DCBLD1: variants seen among roughly 807,000 people sequenced by gnomAD.
DCBLD1 encodes discoidin, CUB and LCCL domain-containing protein 1.
DCBLD1 carries 57 observed loss-of-function variants against 71.5 expected under a neutral mutation model. The ratio of observed to expected loss-of-function variants is 0.80; its 90% confidence interval spans 0.64 to 0.99. DCBLD1 has a LOEUF of 0.99. Among genes scored for constraint, DCBLD1 ranks in the 50% least tolerant of loss-of-function variants. The probability of loss-of-function intolerance (pLI) is 0.00; values close to 1 mark genes in which losing one functional copy is unlikely to be tolerated. For missense variants in DCBLD1, 891 were observed against 923.5 expected, an observed-to-expected ratio of 0.96 and a Z score of 0.46; for synonymous variants, 380 against 363.8, an observed-to-expected ratio of 1.04 and a Z score of -0.51.
intron 9 of DCBLD1, chr6:117,539,613 A>C: frequency 4.4e-5 from 14 of 315,946 alleles, no homozygotes; most frequent in East Asian, 1.7e-4. Context: ...AATTACCCAA[A>C]TGTGGTGGTG....
intron 1 of DCBLD1, among the ~76,000 whole-genome samples, chr6:117,493,966 A>ATG (rs916816048): frequency 2.0e-5 from 3 of 152,132 alleles, no homozygotes; most frequent in African/African-American, 7.2e-5. Context: ...CTGTATATAT[A>ATG]TGTGTGTGTG....
chr6:117,511,499 G>T lies in DCBLD1; in HGVS notation c.325+7520G>T, dbSNP rs187257623. On this transcript the variant is annotated intron_variant, in intron 2 of 14. Transcript: ENST00000338728. ...CAATCACAATATTTTTTTAAGCATT[G>T]TCAGTGACTTAGAAGCACAATCATG... Among the ~76,000 whole-genome samples the T allele has an allele frequency of 2.1e-3, 321 of 152,152 alleles. 1 individual carries two copies. The highest frequency in any genetic ancestry group is 3.4e-3 in the Non-Finnish European group (231 of 67,998).
chr6:117,516,014 A>T (rs1389065229), intron 2 of DCBLD1, among the ~76,000 whole-genome samples: 2 of 152,160 alleles, frequency 1.3e-5, no homozygotes, highest in African/African-American at 4.8e-5. Flanking sequence ...ATTTTTAACA[A>T]GCACTTATAT....
At chr6:117,565,996 A>G (rs1779689008) in intron 14 of DCBLD1, among the ~76,000 whole-genome samples, 1 of 152,196 alleles carries the variant, frequency 6.6e-6, no homozygotes, top group African/African-American at 2.4e-5. Context: ...TCAAAGGTCA[A>G]TATTTAAAAA....
In DCBLD1 at chr6:117,548,772, TA is replaced by T; in HGVS notation, c.*337del. ...TGTACAGAGTTGTATTTAACAATAA[TA>T]AAAGTAACTTAAGTTTGCTCTATCA... is the stretch of plus-strand genomic sequence containing the variant. On this transcript the variant is annotated 3_prime_UTR_variant, in exon 15 of 15. Coordinates refer to ENST00000338728, the MANE Select transcript of DCBLD1 (RefSeq NM_001366458.2). 1.7e-6 allele frequency: 2 copies of T among 1,145,976 alleles called. No individual in the cohort carries two copies. Among genetic ancestry groups the T allele is most frequent in the Non-Finnish European group, 2.1e-6 (2 of 932,098 alleles). The allele number at this position is 1,145,976 out of a possible 1,614,324, so 71.0% of individuals were successfully genotyped here. A position where few individuals can be genotyped will look rare whatever the true frequency, so the allele number is the denominator to read the frequency against.
chr6:117,489,801 C>T (rs12662107), intron 1 of DCBLD1, among the ~76,000 whole-genome samples: 4,638 of 152,246 alleles, frequency 0.03, 84 homozygotes, highest in Non-Finnish European at 0.037. Flanking sequence ...AGGAGAATGG[C>T]GTGAACCCGG....
At chr6:117,509,976 T>A (rs1777962967) in intron 2 of DCBLD1, among the ~76,000 whole-genome samples, 1 of 152,216 alleles carries the variant, frequency 6.6e-6, no homozygotes, top group Non-Finnish European at 1.5e-5. Context: ...TTGCATCTTT[T>A]TCTCCTTGAA....
At chr6:117,517,486 C>T (rs1008065389) in intron 2 of DCBLD1, among the ~76,000 whole-genome samples, 3 of 152,224 alleles carry the variant, frequency 2.0e-5, no homozygotes, top group East Asian at 1.9e-4. Flanking sequence ...GCCCCCTTCT[C>T]ACAGCTACAC....
At chr6:117,516,351 CTCCA>C (rs1291554277) in intron 2 of DCBLD1, among the ~76,000 whole-genome samples, 1 of 148,810 alleles carries the variant, frequency 6.7e-6, no homozygotes, top group Non-Finnish European at 1.5e-5. Context: ...CAGAGCGAGA[CTCCA>C]TCTCAAAAAA....
At chr6:117,494,112 A>G (rs958084503) in intron 1 of DCBLD1, among the ~76,000 whole-genome samples, 9 of 152,312 alleles carry the variant, frequency 5.9e-5, no homozygotes, top group African/African-American at 2.2e-4. Flanking sequence ...TGTTTGGTAA[A>G]TGCTAGTTTT....
intron 13 of DCBLD1, 130 bp from the exon 14 acceptor site, chr6:117,545,348 C>A: frequency 8.0e-7 from 1 of 1,252,282 alleles, no homozygotes; most frequent in Admixed American, 2.0e-5. Context: ...GCACACACAC[C>A]TGAGGAGGAC....
intron 3 of DCBLD1, 44 bp from the exon 4 acceptor site, chr6:117,521,481 T>C (rs1778382651): frequency 1.3e-6 from 2 of 1,500,532 alleles, no homozygotes; most frequent in South Asian, 2.4e-5. Flanking sequence ...AGTGTCCTAG[T>C]TTTTATTCAT....
intron 4 of DCBLD1, among the ~76,000 whole-genome samples, chr6:117,524,301 G>A (rs752343623): frequency 6.6e-6 from 1 of 151,518 alleles, no homozygotes; most frequent in Non-Finnish European, 1.5e-5. Context: ...CCAGGTTCAA[G>A]TGATTCCCTC....
At chr6:117,560,898 A>AGTT in intron 14 of DCBLD1, 1 of 213,294 alleles carries the variant, frequency 4.7e-6, no homozygotes, top group East Asian at 7.0e-5. Context: ...TTGTCCTAGA[A>AGTT]GTTTCAGGGA....
At chr6:117,525,515 G>T in intron 5 of DCBLD1, 81 bp downstream of exon 5, 1 of 1,053,714 alleles carries the variant, frequency 9.5e-7, no homozygotes, top group Non-Finnish European at 1.3e-6. Flanking sequence ...ACTGAGTAAA[G>T]TCAAATGAGA....
At chr6:117,491,719 T>A (rs1206559793) in intron 1 of DCBLD1, among the ~76,000 whole-genome samples, 1 of 152,208 alleles carries the variant, frequency 6.6e-6, no homozygotes, top group Non-Finnish European at 1.5e-5. Context: ...AGTTATTATG[T>A]CTCTTTAGTC....
intron 11 of DCBLD1, 137 bp from the exon 12 acceptor site, chr6:117,542,987 G>A (rs2114560564): frequency 1.4e-6 from 1 of 725,368 alleles, no homozygotes; most frequent in Non-Finnish European, 2.4e-6. Flanking sequence ...TCCAATATCA[G>A]TAAATGCCTA....
intron 14 of DCBLD1, chr6:117,560,655 TAAC>T (rs1303650514): frequency 1.5e-5 from 3 of 196,320 alleles, no homozygotes; most frequent in South Asian, 1.9e-4. Context: ...AAATTTATTT[TAAC>T]AATAGTCTCA....
chr6:117,543,007 C>T, intron 11 of DCBLD1, 117 bp from the exon 12 acceptor site: 1 of 813,658 alleles, frequency 1.2e-6, no homozygotes. Context: ...AACATGTATT[C>T]ATTTTCCCCC....
Sources: allele counts gnomAD v4.1 joint callset (sites outside exome capture counted in the v4.1 genomes callset), GRCh38; gene constraint gnomAD v4.1.1; transcripts MANE v1.5; gene names NCBI Gene and HGNC (gene_info 2026-07-23, HGNC 2026-07-21).